Variants in ELFN2 observed in about 807,000 individuals in gnomAD.
ELFN2 encodes the protein extracellular leucine rich repeat and fibronectin type III domain containing 2.
A neutral mutation model predicts 45.5 loss-of-function variants in ELFN2; 17 were observed. That is an observed-to-expected ratio of 0.37 (90% CI 0.26 to 0.56). The LOEUF is 0.56. ELFN2 is among the 20% of genes least tolerant of loss of function. The pLI is 0.77. For synonymous variants in ELFN2, 550 were observed against 551.5 expected (o/e 1.00, Z 0.04); for missense variants, 922 against 1,183.2 (o/e 0.78, Z 3.24).
chr22:37,372,928 G>T lies in ELFN2; in HGVS notation c.*144C>A. 1 of 793,596 alleles carries T rather than the reference G, an allele frequency of 1.3e-6. No homozygotes were observed. The highest frequency in any genetic ancestry group is 1.9e-6 in the Non-Finnish European group (1 of 515,954). 49.2% of individuals were successfully genotyped at this position (793,596 alleles called of 1,614,324 possible). On this transcript the variant is annotated 3_prime_UTR_variant, in exon 3 of 3. Transcript: ENST00000402918. The surrounding 1 kb of genome is among the most constrained non-coding windows in gnomAD (Gnocchi z 4.4). The stretch of plus-strand genomic sequence containing the variant: ...AGTCGGGTGGTGGTCAGGTGTGTGT[G>T]TGCGTGCGTGCGTGCGGGTCTGCAT...
In ELFN2 at chr22:37,422,656, C is replaced by T. The variant is rs990301202; in HGVS notation, c.-614+4642G>A. Among the ~76,000 whole-genome samples, 4 of 152,238 alleles carry T rather than the reference C, an allele frequency of 2.6e-5. No individual in the cohort carries two copies. In the East Asian group the frequency reaches 7.7e-4, roughly 29 times the overall value. On this transcript the variant is annotated intron_variant, in intron 1 of 2. Transcript: ENST00000402918. Reference sequence around the variant, plus strand: ...TCACCCAGGCTGGAGTGCAGTAGCACAATCTCGGCTCACTGCAACCTGGGC... The same window carrying T: ...TCACCCAGGCTGGAGTGCAGTAGCATAATCTCGGCTCACTGCAACCTGGGC...
intron 1 of ELFN2, among the ~76,000 whole-genome samples, chr22:37,352,840 A>G (rs2145615004): frequency 6.6e-6 from 1 of 150,906 alleles, no homozygotes; most frequent in South Asian, 2.1e-4. Flanking sequence ...GCTTTGTGGG[A>G]GAAATGCACT....
At chr22:37,378,547 G>C in intron 2 of ELFN2, among the ~76,000 whole-genome samples, 1 of 152,226 alleles carries the variant, frequency 6.6e-6, no homozygotes, top group Non-Finnish European at 1.5e-5. Context: ...AAACAGTCCA[G>C]GGTGGACAGA....
intron 1 of ELFN2, among the ~76,000 whole-genome samples, chr22:37,419,438 G>A (rs1411741262): frequency 6.6e-6 from 1 of 151,944 alleles, no homozygotes; most frequent in African/African-American, 2.4e-5. Flanking sequence ...CACAGACCCA[G>A]AGACTCGTGG....
At position 37,374,749 on chromosome 22, in the gene ELFN2, G is replaced by A. The variant is rs763372694; in HGVS notation, c.786C>T (p.Ser262=). Residue 262 remains serine, a synonymous_variant, in exon 3 of 3, where the codon TCC becomes TCT. Transcript: ENST00000402918. ...ARPVSHPTPY[S]TDAQREPDEN... ...CGTCTGGCTCCCTCTGGGCGTCGGT[G>A]GAGTAGGGCGTGGGGTGGCTCACGG... The A allele has an allele frequency of 1.9e-6, 3 of 1,610,928 alleles. No homozygotes were observed. The highest frequency in any genetic ancestry group is 4.5e-5 in the East Asian group (2 of 44,848).
chr22:37,422,952 G>T (rs932544392), intron 1 of ELFN2, among the ~76,000 whole-genome samples: 4 of 149,518 alleles, frequency 2.7e-5, no homozygotes, highest in Non-Finnish European at 4.5e-5. Context: ...TCGGGGGGGG[G>T]GGGGGAAGTG....
intron 1 of ELFN2, among the ~76,000 whole-genome samples, chr22:37,426,282 G>T (rs1205746662): frequency 2.0e-5 from 3 of 151,938 alleles, no homozygotes; most frequent in Non-Finnish European, 4.4e-5. Context: ...CCTTGGGCAC[G>T]CCTGACACAC....
At chr22:37,408,821 A>G (rs2145679626) in intron 2 of ELFN2, among the ~76,000 whole-genome samples, 1 of 152,270 alleles carries the variant, frequency 6.6e-6, no homozygotes, top group East Asian at 1.9e-4. Context: ...GGATGGTGAC[A>G]GTATCTATTT....
In ELFN2 at chr22:37,411,080, T is replaced by C. The variant is rs1356419761; in HGVS notation, c.-463+6689A>G. Among the ~76,000 whole-genome samples, 9 of 152,348 alleles carry C rather than the reference T, an allele frequency of 5.9e-5. 2 individuals carry two copies. Among genetic ancestry groups the C allele is most frequent in the Admixed American group, 5.2e-4 (8 of 15,312 alleles). ...GCCAGGCGTAGCACCAAGTGCTTCATAGTGTCACCCTTGGGTGGTGGGCAC... is the reference window on the plus strand; with the variant it reads ...GCCAGGCGTAGCACCAAGTGCTTCACAGTGTCACCCTTGGGTGGTGGGCAC... On this transcript the variant is annotated intron_variant, in intron 2 of 2. Coordinates refer to ENST00000402918, the MANE Select transcript of ELFN2 (RefSeq NM_052906.5).
intron 1 of ELFN2, among the ~76,000 whole-genome samples, chr22:37,349,100 C>G (rs1182961657): frequency 6.6e-6 from 1 of 151,304 alleles, no homozygotes; most frequent in East Asian, 1.9e-4. Flanking sequence ...CCGGTTGACT[C>G]TGATGGGCAG....
At chr22:37,425,951 C>T (rs1016625089) in intron 1 of ELFN2, among the ~76,000 whole-genome samples, 1 of 151,510 alleles carries the variant, frequency 6.6e-6, no homozygotes, top group African/African-American at 2.4e-5. Flanking sequence ...TCTCGGTAAC[C>T]GCGCCGGGCA....
intron 2 of ELFN2, among the ~76,000 whole-genome samples, chr22:37,382,118 C>T (rs959355353): frequency 3.9e-5 from 6 of 152,094 alleles, no homozygotes; most frequent in African/African-American, 1.2e-4. Context: ...AGGCAAGGAA[C>T]TGAAACTCAG....
intron 1 of ELFN2, among the ~76,000 whole-genome samples, chr22:37,426,545 G>A (rs977464192): frequency 1.8e-4 from 26 of 147,798 alleles, no homozygotes; most frequent in African/African-American, 6.0e-4. Context: ...TGCACACGGC[G>A]CCCCACCAGC....
chr22:37,363,482 G>A (rs535740330), downstream of ELFN2, among the ~76,000 whole-genome samples: 4 of 152,164 alleles, frequency 2.6e-5, no homozygotes, highest in South Asian at 2.1e-4. Flanking sequence ...TGGCAAGGAC[G>A]GGGAGGACGG....
rs564535729 is a variant in ELFN2 at position 37,417,310 on chromosome 22, C to G, written c.-463+459G>C. The stretch of plus-strand genomic sequence containing the variant: ...CTGGCGTTTTCCCCTGCTCCCGGCT[C>G]ACTTCCAGCCTCTCTCTCTACAATG... On this transcript the variant is annotated intron_variant, in intron 2 of 2. Transcript: ENST00000402918. This position sits in a 1 kb window ranked among gnomAD's most constrained non-coding sequence, Gnocchi z 4.5. 1.4e-4 allele frequency among the ~76,000 whole-genome samples: 21 copies of G among 152,338 alleles called. No individual in the cohort carries two copies. Among genetic ancestry groups the G allele is most frequent in the Non-Finnish European group, 1.6e-4 (11 of 68,030 alleles).
intron 1 of ELFN2, among the ~76,000 whole-genome samples, chr22:37,421,121 C>A (rs1932806149): frequency 6.6e-6 from 1 of 152,158 alleles, no homozygotes; most frequent in Non-Finnish European, 1.5e-5. Context: ...AAGGATATTA[C>A]TCAATTTCTT....
chr22:37,391,950 C>T (rs1932096552), intron 2 of ELFN2, among the ~76,000 whole-genome samples: 1 of 152,240 alleles, frequency 6.6e-6, no homozygotes, highest in Non-Finnish European at 1.5e-5. Flanking sequence ...GACCGGCCCC[C>T]TCAGAGCCTC....
chr22:37,391,160 T>C (rs1932076281), intron 2 of ELFN2, among the ~76,000 whole-genome samples: 1 of 152,118 alleles, frequency 6.6e-6, no homozygotes, highest in African/African-American at 2.4e-5. Context: ...GGGAGATGAA[T>C]GGGCATCTCT....
intron 2 of ELFN2, among the ~76,000 whole-genome samples, chr22:37,415,517 C>G (rs1275276273): frequency 1.3e-5 from 2 of 152,216 alleles, no homozygotes; most frequent in African/African-American, 2.4e-5. Context: ...TCAGAAGGCT[C>G]TCTGCCTCTC....
Sources: allele counts gnomAD v4.1 joint callset (sites outside exome capture counted in the v4.1 genomes callset), GRCh38; gene constraint gnomAD v4.1.1; non-coding constraint Gnocchi (gnomAD v3.1); transcripts MANE v1.5; gene names NCBI Gene and HGNC (gene_info 2026-07-23, HGNC 2026-07-21).